Variants in UBA6 observed in about 807,000 individuals in gnomAD.
UBA6 encodes ubiquitin-like modifier-activating enzyme 6.
In UBA6, 87 loss-of-function variants were observed where a neutral mutation model predicts 148.3. The ratio of observed to expected loss-of-function variants is 0.59; its 90% confidence interval spans 0.49 to 0.70. UBA6 has a LOEUF of 0.70. UBA6 is among the 30% of genes least tolerant of loss of function. The pLI is 0.00. For synonymous variants in UBA6, 376 were observed against 401.0 expected (o/e 0.94, Z 0.75); for missense variants, 1,186 against 1,241.2 (o/e 0.96, Z 0.67).
At position 67,670,473 on chromosome 4, in the gene UBA6, C is replaced by A; in HGVS notation, c.666G>T (p.Thr222=). 1.9e-6 allele frequency: 3 copies of A among 1,565,956 alleles called. No homozygotes were observed. The highest frequency in any genetic ancestry group is 2.2e-5 in the East Asian group (1 of 44,498). ...EPKEIFISNI[T]QANPGIVTCL... ...AAGTTCATTAATATAATCATACTTGCGTTATGTTTGAAATGAAAATTTCTT... is the reference window on the plus strand; with the variant it reads ...AAGTTCATTAATATAATCATACTTGAGTTATGTTTGAAATGAAAATTTCTT... Residue 222 remains threonine (T), a synonymous_variant, in exon 8 of 33, where the codon ACG becomes ACT. Transcript: ENST00000322244.
At chr4:67,660,208 G>A (rs746728098) in intron 13 of UBA6, among the ~76,000 whole-genome samples, 1 of 152,212 alleles carries the variant, frequency 6.6e-6, no homozygotes, top group Non-Finnish European at 1.5e-5. Context: ...ATTTTCTGAG[G>A]AGAAATTCAA....
At chr4:67,679,838 T>C (rs886548331) in intron 4 of UBA6, among the ~76,000 whole-genome samples, 47 of 152,158 alleles carry the variant, frequency 3.1e-4, no homozygotes, top group Non-Finnish European at 4.4e-5. Flanking sequence ...GTTCTAGCTC[T>C]GCCCACTGAA....
chr4:67,672,302 G>A (rs1348999165), intron 7 of UBA6, among the ~76,000 whole-genome samples: 1 of 152,130 alleles, frequency 6.6e-6, no homozygotes, highest in East Asian at 1.9e-4. Flanking sequence ...ATATTCCATT[G>A]TCAGAGCAAG....
At chr4:67,690,370 A>C (rs1002975485) in intron 2 of UBA6, among the ~76,000 whole-genome samples, 1 of 152,172 alleles carries the variant, frequency 6.6e-6, no homozygotes, top group Non-Finnish European at 1.5e-5. Flanking sequence ...AACAGGAAAG[A>C]GGCCTCATAA....
intron 23 of UBA6, 75 bp downstream of exon 23, chr4:67,633,270 C>T: frequency 7.7e-7 from 1 of 1,291,696 alleles, no homozygotes; most frequent in South Asian, 1.8e-5. Context: ...CATTTCAGGT[C>T]AATGAAATTA....
chr4:67,669,153 A>C (rs1160546210), intron 8 of UBA6, among the ~76,000 whole-genome samples: 1 of 152,202 alleles, frequency 6.6e-6, no homozygotes, highest in Non-Finnish European at 1.5e-5. Flanking sequence ...CTTATCAGCT[A>C]TATTTCCTAT....
At chr4:67,626,627 C>A (rs186350017) in intron 27 of UBA6, 150 bp from the exon 28 acceptor site, 2 of 585,082 alleles carry the variant, frequency 3.4e-6, no homozygotes, top group East Asian at 2.9e-5. Context: ...GTATTTTATA[C>A]GTTCCTTTAG....
chr4:67,635,897 C>T (rs1318081816), intron 19 of UBA6, among the ~76,000 whole-genome samples: 1 of 152,120 alleles, frequency 6.6e-6, no homozygotes, highest in Non-Finnish European at 1.5e-5. Flanking sequence ...TCAATATTTT[C>T]TTTATCCCAA....
chr4:67,629,220 T>C (rs754793878), intron 26 of UBA6, 78 bp from the exon 27 acceptor site: 2 of 868,208 alleles, frequency 2.3e-6, no homozygotes, highest in Non-Finnish European at 1.9e-6. Flanking sequence ...CAAAAGGTCC[T>C]TAATCATATT....
rs112419640 is a variant in UBA6 at position 67,664,716 on chromosome 4, T to G, written c.897+473A>C. Among the ~76,000 whole-genome samples the G allele has an allele frequency of 3.9e-5, 6 of 152,240 alleles. 2 individuals are homozygous for G. Among genetic ancestry groups the G allele is most frequent in the African/African-American group, 1.4e-4 (6 of 41,576 alleles). On this transcript the variant is annotated intron_variant, in intron 10 of 32. Coordinates refer to ENST00000322244, the MANE Select transcript of UBA6 (RefSeq NM_018227.6). Reference sequence around the variant, plus strand: ...TTTACATTTCCAACATATATACTGTTTTTTGAAATTTATAAAATTAAATTA... The same window carrying G: ...TTTACATTTCCAACATATATACTGTGTTTTGAAATTTATAAAATTAAATTA...
chr4:67,646,759 T>G lies in UBA6; in HGVS notation c.1281A>C (p.Ser427=), dbSNP rs1283550862. ...ATTCTTCACATTCAGGTTTGCCTAGTGATTCAACAATATCTGCTGCTTCAA... is the reference window on the plus strand; with the variant it reads ...ATTCTTCACATTCAGGTTTGCCTAGGGATTCAACAATATCTGCTGCTTCAA... ...LYLEAADIVE[S]LGKPECEEFL... is the part of the protein sequence containing the mutation. The change falls in exon 15 of 33, where the codon TCA becomes TCC. Residue 427 remains serine (S), a synonymous_variant. Transcript: ENST00000322244. 3.7e-6 allele frequency: 6 copies of G among 1,606,914 alleles called. No homozygotes were observed. In the African/African-American group the frequency reaches 5.3e-5, roughly 14 times the overall value.
chr4:67,687,964 T>C (rs181382225), intron 2 of UBA6, among the ~76,000 whole-genome samples: 99 of 152,206 alleles, frequency 6.5e-4, no homozygotes, highest in African/African-American at 2.3e-3. Context: ...GAAAAAAGAA[T>C]TTAAGAAAAA....
At chr4:67,684,133 G>A (rs1045522915) in intron 2 of UBA6, among the ~76,000 whole-genome samples, 1 of 152,112 alleles carries the variant, frequency 6.6e-6, no homozygotes, top group African/African-American at 2.4e-5. Context: ...GATGCAGCAA[G>A]TTACCCTTCT....
Position 67,622,925 on chromosome 4 carries a change from C to T in UBA6, c.2929G>A (p.Glu977Lys). The T allele has an allele frequency of 1.9e-6, 3 of 1,599,814 alleles. No homozygotes were observed. Among genetic ancestry groups the T allele is most frequent in the Non-Finnish European group, 2.6e-6 (3 of 1,174,062 alleles). The change falls in exon 32 of 33, where the codon GAG (glutamate) becomes AAG (lysine). Residue 977 changes from glutamate (E) to lysine (K), a missense_variant and splice_region_variant. Physicochemically the swap from Glu to Lys is moderately conservative, Grantham distance 56. Coordinates refer to ENST00000322244, the MANE Select transcript of UBA6 (RefSeq NM_018227.6). Reference sequence around the variant, plus strand: ...ATTGTTGGCTCAATTCCATACTTCTCCTAAAAGTGAATATCCAAAAAAGAA... The same window carrying T: ...ATTGTTGGCTCAATTCCATACTTCTTCTAAAAGTGAATATCCAAAAAAGAA... ...TLLDFINAVK[E>K]KYGIEPTMVV...
At chr4:67,629,050 T>G in intron 27 of UBA6, 21 bp downstream of exon 27, 3 of 1,544,020 alleles carry the variant, frequency 1.9e-6, no homozygotes, top group Non-Finnish European at 2.7e-6. Context: ...ATTTGCTGAA[T>G]GAATGATTTT....
intron 32 of UBA6, among the ~76,000 whole-genome samples, chr4:67,619,521 C>T (rs1346794447): frequency 6.6e-6 from 1 of 152,174 alleles, no homozygotes; most frequent in Non-Finnish European, 1.5e-5. Flanking sequence ...GCTAAAAATA[C>T]AAAAACGAGA....
chr4:67,671,458 C>A (rs1432282711), intron 7 of UBA6, among the ~76,000 whole-genome samples: 1 of 149,658 alleles, frequency 6.7e-6, no homozygotes, highest in Non-Finnish European at 1.5e-5. Flanking sequence ...TTTTACAAGA[C>A]ATAAAACTGG....
At chr4:67,690,580 T>C (rs1730671623) in intron 2 of UBA6, among the ~76,000 whole-genome samples, 1 of 152,072 alleles carries the variant, frequency 6.6e-6, no homozygotes, top group African/African-American at 2.4e-5. Context: ...GGAATGCCTA[T>C]AACTCAATAC....
At chr4:67,653,374 G>C (rs1729604126) in intron 13 of UBA6, among the ~76,000 whole-genome samples, 1 of 152,190 alleles carries the variant, frequency 6.6e-6, no homozygotes, top group Admixed American at 6.5e-5. Context: ...GCCTCCGCTG[G>C]TGATACCCAG....
Sources: allele counts gnomAD v4.1 joint callset (sites outside exome capture counted in the v4.1 genomes callset), GRCh38; gene constraint gnomAD v4.1.1; transcripts MANE v1.5; gene names NCBI Gene and HGNC (gene_info 2026-07-23, HGNC 2026-07-21).